The following ALPK1 variants were observed in gnomAD, a reference collection of about 807,000 sequenced individuals.
ALPK1 encodes the protein alpha-protein kinase 1.
Under a neutral mutation model 120.6 loss-of-function variants are expected in ALPK1, and 110 were observed. That is an observed-to-expected ratio of 0.91 (90% CI 0.78 to 1.07). The LOEUF (loss-of-function observed/expected upper bound fraction) is 1.07. Among genes scored for constraint, ALPK1 ranks in the 50% least tolerant of loss-of-function variants. ALPK1 has a pLI of 0.00. For synonymous variants in ALPK1, 582 were observed against 560.3 expected (o/e 1.04, Z -0.55); for missense variants, 1,498 against 1,483.9 (o/e 1.01, Z -0.16).
chr4:112,363,985 T>A (rs1238208429), intron 2 of ALPK1, among the ~76,000 whole-genome samples: 1 of 152,160 alleles, frequency 6.6e-6, no homozygotes, highest in South Asian at 2.1e-4. Flanking sequence ...AAAATCAAGA[T>A]AGAAATTTTA....
rs77663135 is a variant in ALPK1, at chr4:112,431,488, T to G, written c.1941T>G (p.Asp647Glu). ...ATTCATTGCATTCACAGCTTCATGA[T>G]CTCTCTCTTCAGGAACCCAACAATG... Reference protein sequence around the residue: ...AMHSLHSQLHDLSLQEPNNDN... With the variant: ...AMHSLHSQLHELSLQEPNNDN... Residue 647 changes from aspartate to glutamate, a missense_variant, in exon 11 of 16, where the codon GAT becomes GAG. Asp to Glu is a conservative substitution (Grantham distance 45). Coordinates refer to ENST00000650871, the MANE Select transcript of ALPK1 (RefSeq NM_025144.4). 566 of 1,614,062 alleles carry G rather than the reference T, an allele frequency of 3.5e-4. 2 individuals are homozygous for G. In the African/African-American group the frequency reaches 6.5e-3, roughly 18 times the overall value.
chr4:112,416,017 C>T (rs954095527), intron 5 of ALPK1, among the ~76,000 whole-genome samples: 1 of 152,220 alleles, frequency 6.6e-6, no homozygotes, highest in Non-Finnish European at 1.5e-5. Context: ...TTTCTAAATG[C>T]TCACTCTCAG....
intron 1 of ALPK1, among the ~76,000 whole-genome samples, chr4:112,299,489 T>C (rs148868020): frequency 1.3e-3 from 196 of 152,276 alleles, no homozygotes; most frequent in African/African-American, 4.6e-3. Context: ...TAATTTACTA[T>C]TGATTTTAAG....
intron 2 of ALPK1, chr4:112,359,114 C>A: frequency 1.4e-6 from 1 of 715,162 alleles, no homozygotes. Flanking sequence ...TGACCCTGTC[C>A]AAGGCTGTGG....
At chr4:112,400,419 A>G (rs939240577) in intron 4 of ALPK1, among the ~76,000 whole-genome samples, 8 of 152,224 alleles carry the variant, frequency 5.3e-5, no homozygotes, top group Admixed American at 3.9e-4. Context: ...TGAAATAACA[A>G]TCAAGGTTAA....
At chr4:112,304,057 G>A (rs1327391888) in intron 1 of ALPK1, among the ~76,000 whole-genome samples, 2 of 152,034 alleles carry the variant, frequency 1.3e-5, no homozygotes, top group African/African-American at 4.8e-5. Flanking sequence ...GCTTCATCCA[G>A]GTCCCTATAA....
Position 112,432,331 on chromosome 4 carries a change from A to AGTTTGGT in ALPK1, c.2786_2787insTTGGTGT (p.Trp931CysfsTer15). ...GCAGCCAGAACTCCAGCTCATCCTC[A>AGTTTGGT]GTGTGGTGGCTGAAATCACCTGCAT... is the stretch of plus-strand genomic sequence containing the variant. On this transcript the variant is annotated frameshift_variant, in exon 11 of 16. Coordinates refer to ENST00000650871, the MANE Select transcript of ALPK1 (RefSeq NM_025144.4). LOFTEE classifies it high-confidence loss of function. 6.2e-7 allele frequency: 1 copy of AGTTTGGT among 1,614,188 alleles called. No homozygotes were observed. The highest frequency in any genetic ancestry group is 8.5e-7 in the Non-Finnish European group (1 of 1,180,030).
chr4:112,424,540 AT>A (rs1308769983), intron 6 of ALPK1, among the ~76,000 whole-genome samples: 1 of 152,234 alleles, frequency 6.6e-6, no homozygotes, highest in African/African-American at 2.4e-5. Flanking sequence ...AAGGCTTCAG[AT>A]ATCTTGTCTG....
chr4:112,314,284 G>A (rs955654460), intron 1 of ALPK1, among the ~76,000 whole-genome samples: 1 of 152,220 alleles, frequency 6.6e-6, no homozygotes, highest in South Asian at 2.1e-4. Context: ...TCACCTAAGT[G>A]AGCAGAAGGT....
chr4:112,354,864 CTCAT>C (rs1241794865), intron 2 of ALPK1, among the ~76,000 whole-genome samples: 1 of 152,054 alleles, frequency 6.6e-6, no homozygotes, highest in Non-Finnish European at 1.5e-5. Context: ...CTGTGCTCTC[CTCAT>C]TATTTTTCAT....
At chr4:112,354,857 T>G (rs1730531539) in intron 2 of ALPK1, among the ~76,000 whole-genome samples, 1 of 152,250 alleles carries the variant, frequency 6.6e-6, no homozygotes, top group Non-Finnish European at 1.5e-5. Context: ...TATAACACTG[T>G]GCTCTCCTCA....
At chr4:112,426,366 T>C (rs1380624819) in intron 7 of ALPK1, 101 bp from the exon 8 acceptor site, 1 of 848,724 alleles carries the variant, frequency 1.2e-6, no homozygotes, top group Non-Finnish European at 1.9e-6. Context: ...ATCTAATGAG[T>C]CTTGGTTCTG....
At chr4:112,327,688 T>G (rs1729177212) in intron 2 of ALPK1, among the ~76,000 whole-genome samples, 1 of 152,170 alleles carries the variant, frequency 6.6e-6, no homozygotes, top group South Asian at 2.1e-4. Context: ...CAGGTGATCC[T>G]CCTGCCTTGG....
chr4:112,351,285 G>C (rs1190114553), intron 2 of ALPK1, among the ~76,000 whole-genome samples: 1 of 152,172 alleles, frequency 6.6e-6, no homozygotes, highest in Admixed American at 6.5e-5. Flanking sequence ...GAACTGGACA[G>C]AGGAGGGTGG....
intron 5 of ALPK1, chr4:112,412,441 A>G: frequency 2.2e-6 from 1 of 460,168 alleles, no homozygotes; most frequent in Non-Finnish European, 4.4e-6. Context: ...AGCTGACAAT[A>G]GAGCTGACAA....
chr4:112,353,818 G>A (rs988867499), intron 2 of ALPK1, among the ~76,000 whole-genome samples: 1 of 152,044 alleles, frequency 6.6e-6, no homozygotes, highest in Non-Finnish European at 1.5e-5. Context: ...TCAGTGAGCC[G>A]AGATTGCACC....
At chr4:112,380,127 A>G (rs1298317433) in intron 3 of ALPK1, among the ~76,000 whole-genome samples, 1 of 152,194 alleles carries the variant, frequency 6.6e-6, no homozygotes, top group African/African-American at 2.4e-5. Flanking sequence ...GAAAAGGAGC[A>G]CTGTTAATAA....
intron 2 of ALPK1, among the ~76,000 whole-genome samples, chr4:112,319,033 CA>C (rs1728752886): frequency 6.6e-6 from 1 of 152,168 alleles, no homozygotes; most frequent in African/African-American, 2.4e-5. Flanking sequence ...AGGAAAGTAA[CA>C]CCGTCAGTTC....
At chr4:112,309,390 C>G (rs1321961041) in intron 1 of ALPK1, among the ~76,000 whole-genome samples, 4 of 152,172 alleles carry the variant, frequency 2.6e-5, no homozygotes, top group Non-Finnish European at 4.4e-5. Flanking sequence ...CTACGGTGGG[C>G]TCCACCCAAT....
Sources: allele counts gnomAD v4.1 joint callset (sites outside exome capture counted in the v4.1 genomes callset), GRCh38; gene constraint gnomAD v4.1.1; transcripts MANE v1.5; gene names NCBI Gene and HGNC (gene_info 2026-07-23, HGNC 2026-07-21).